The following SUMO3 variants were observed in gnomAD, a reference collection of about 807,000 sequenced individuals.
SUMO3 encodes the protein small ubiquitin-related modifier 3.
SUMO3 carries 2 observed loss-of-function variants against 11.1 expected under a neutral mutation model. That is an observed-to-expected ratio of 0.18 (90% CI 0.07 to 0.57). SUMO3 has a LOEUF of 0.57. Ranked by LOEUF, SUMO3 falls within the 20% of genes least tolerant of loss-of-function variation. The pLI is 0.92. For missense variants in SUMO3, 70 were observed against 132.8 expected (o/e 0.53, Z 2.32); for synonymous variants, 56 against 53.5 (o/e 1.05, Z -0.20).
intron 3 of SUMO3, chr21:44,808,502 G>A (rs2083192055): frequency 1.4e-6 from 2 of 1,444,568 alleles, no homozygotes; most frequent in Non-Finnish European, 1.8e-6. Context: ...GCAACAAAGC[G>A]AGACTCCGTC....
chr21:44,813,892 A>C (rs778055721), intron 2 of SUMO3, 84 bp downstream of exon 2: 83 of 1,597,024 alleles, frequency 5.2e-5, no homozygotes, highest in Non-Finnish European at 7.0e-5. Flanking sequence ...TCCAGCCCCG[A>C]GACGCTCGTG....
chr21:44,806,757 A>C lies in SUMO3; in HGVS notation c.*194T>G. On this transcript the variant is annotated 3_prime_UTR_variant, in exon 4 of 4. Transcript: ENST00000332859. ...TACCTGAACAAAGATAACAATTCTG[A>C]TTGGCCCAATTTAAGTTACAGATTC... is the stretch of plus-strand genomic sequence containing the variant. The C allele has an allele frequency of 7.5e-7, 1 of 1,342,204 alleles. No individual in the cohort carries two copies. Among genetic ancestry groups the C allele is most frequent in the Non-Finnish European group, 9.8e-7 (1 of 1,023,706 alleles). 83.1% of individuals were successfully genotyped at this position (1,342,204 alleles called of 1,614,324 possible). A position where few individuals can be genotyped will look rare whatever the true frequency, so the allele number is the denominator to read the frequency against.
At chr21:44,813,589 G>A (rs2083225908) in intron 2 of SUMO3, 5 of 276,458 alleles carry the variant, frequency 1.8e-5, no homozygotes, top group African/African-American at 1.2e-4. Flanking sequence ...CGAGGACAGG[G>A]TGACAGCGGC....
Position 44,810,197 on chromosome 21 carries a change from C to G in SUMO3, c.151-1079G>C, listed in dbSNP as rs1157797029. Among the ~76,000 whole-genome samples, 1 of 152,200 alleles carries G rather than the reference C, an allele frequency of 6.6e-6. No individual in the cohort carries two copies. The highest frequency in any genetic ancestry group is 1.5e-5 in the Non-Finnish European group (1 of 68,040). The stretch of plus-strand genomic sequence containing the variant: ...CGGGGTTAAAACGTGCATCTCTGCT[C>G]CCTCCTGAAACCCCACTGAAATGAA... On this transcript the variant is annotated intron_variant, in intron 2 of 3. Transcript: ENST00000332859. The surrounding 1 kb of genome is among the most constrained non-coding windows in gnomAD (Gnocchi z 4.1).
chr21:44,817,157 C>A (rs1181105626), intron 1 of SUMO3, among the ~76,000 whole-genome samples: 1 of 107,856 alleles, frequency 9.3e-6, no homozygotes, highest in Admixed American at 1.0e-4. Context: ...TGGGTACACA[C>A]CATGGGGGGC....
At chr21:44,808,212 T>C (rs1419687601) in intron 3 of SUMO3, 1 of 197,808 alleles carries the variant, frequency 5.1e-6, no homozygotes, top group Non-Finnish European at 1.0e-5. Context: ...GAACCAAGTT[T>C]AAAAAAAAAC....
Position 44,807,068 on chromosome 21 carries a change from CGA to C in SUMO3, c.223-30_223-29del. ...GTCATGGTTGTCACAACAGGCACAG[CGA>C]GAGAGAGGGGAGCCTGTTAGTTTTC... On this transcript the variant is annotated intron_variant, in intron 3 of 3. Coordinates refer to ENST00000332859, the MANE Select transcript of SUMO3 (RefSeq NM_006936.3). The surrounding 1 kb of genome is among the most constrained non-coding windows in gnomAD (Gnocchi z 4.3). The C allele has an allele frequency of 6.2e-7, 1 of 1,610,622 alleles. No homozygotes were observed. The highest frequency in any genetic ancestry group is 8.5e-7 in the Non-Finnish European group (1 of 1,178,104).
chr21:44,817,095 A>C (rs1442980939), intron 1 of SUMO3, among the ~76,000 whole-genome samples: 1 of 92,346 alleles, frequency 1.1e-5, no homozygotes, highest in Admixed American at 1.2e-4. Flanking sequence ...CACACCAGGG[A>C]CGCGATGATG....
Position 44,806,603 on chromosome 21 carries a change from G to A in SUMO3, c.*348C>T, listed in dbSNP as rs2083178484. The stretch of plus-strand genomic sequence containing the variant: ...AGCAGGGGAGAGGCAACCAACTCAG[G>A]AGTCAGATCCCTGGCCAGACTAAAA... On this transcript the variant is annotated 3_prime_UTR_variant, in exon 4 of 4. Coordinates refer to ENST00000332859, the MANE Select transcript of SUMO3 (RefSeq NM_006936.3). 1 of 304,786 alleles carries A rather than the reference G, an allele frequency of 3.3e-6. No homozygotes were observed. The highest frequency in any genetic ancestry group is 6.2e-6 in the Non-Finnish European group (1 of 161,346). The allele number at this position is 304,786 out of a possible 1,614,324, so 18.9% of individuals were successfully genotyped here. A position where few individuals can be genotyped will look rare whatever the true frequency, so the allele number is the denominator to read the frequency against.
rs2083210369 is a variant in SUMO3 at position 44,811,158 on chromosome 21, A to AC, written c.151-2041_151-2040insG. On this transcript the variant is annotated intron_variant, in intron 2 of 3. Transcript: ENST00000332859. This position sits in a 1 kb window ranked among gnomAD's most constrained non-coding sequence, Gnocchi z 5.0. Reference sequence around the variant, plus strand: ...GGCACACACCCACACATACACACACAGGCACACACCCACACATACACACAC... The same window carrying AC: ...GGCACACACCCACACATACACACACACGGCACACACCCACACATACACACAC... Among the ~76,000 whole-genome samples the AC allele has an allele frequency of 6.7e-6, 1 of 149,322 alleles. No homozygotes were observed. The highest frequency in any genetic ancestry group is 1.5e-5 in the Non-Finnish European group (1 of 66,320).
rs2083195409 is a variant in SUMO3 at position 44,809,113 on chromosome 21, C to T, written c.156G>A (p.Leu52=). ...ACCTGAATCTGATCTGCCTCATTGA[C>T]AAGCCCTGGAAAGGAAAAGCAGTGG... ...LMKAYCERQG[L]SMRQIRFRFD... is the part of the protein sequence containing the mutation. Residue 52 remains leucine (L), a synonymous_variant, in exon 3 of 4, where the codon TTG becomes TTA. Coordinates refer to ENST00000332859, the MANE Select transcript of SUMO3 (RefSeq NM_006936.3). The T allele has an allele frequency of 1.9e-6, 3 of 1,613,870 alleles. No individual in the cohort carries two copies. Among genetic ancestry groups the T allele is most frequent in the Non-Finnish European group, 2.5e-6 (3 of 1,179,962 alleles).
In SUMO3 at chr21:44,810,050, T is replaced by G. The variant is rs1459270968; in HGVS notation, c.151-932A>C. On this transcript the variant is annotated intron_variant, in intron 2 of 3. Coordinates refer to ENST00000332859, the MANE Select transcript of SUMO3 (RefSeq NM_006936.3). The surrounding 1 kb of genome is among the most constrained non-coding windows in gnomAD (Gnocchi z 4.1). ...GCAGTTACCACCATGACTTTGGCCT[T>G]GAGGAGGGCAGCAGGAAGGAGAGCA... Among the ~76,000 whole-genome samples, 1 of 152,152 alleles carries G rather than the reference T, an allele frequency of 6.6e-6. No homozygotes were observed. The highest frequency in any genetic ancestry group is 1.5e-5 in the Non-Finnish European group (1 of 68,024).
At chr21:44,808,871 T>C (rs2146420237) in intron 3 of SUMO3, 176 bp downstream of exon 3, 1 of 711,910 alleles carries the variant, frequency 1.4e-6, no homozygotes, top group South Asian at 1.8e-5. Flanking sequence ...GCAAAGCAGT[T>C]TTCTCATTTG....
chr21:44,815,388 C>A (rs1446689825), intron 1 of SUMO3, among the ~76,000 whole-genome samples: 1 of 152,100 alleles, frequency 6.6e-6, no homozygotes, highest in African/African-American at 2.4e-5. Flanking sequence ...CCTGAAGGTG[C>A]GTGTCCTGGG....
rs1313117019 is a variant in SUMO3, at chr21:44,811,141, C to T, written c.151-2023G>A. Among the ~76,000 whole-genome samples, 1 of 150,722 alleles carries T rather than the reference C, an allele frequency of 6.6e-6. No individual in the cohort carries two copies. The highest frequency in any genetic ancestry group is 1.5e-5 in the Non-Finnish European group (1 of 67,502). Reference sequence around the variant, plus strand: ...ACCCACATATACACACAGGCACACACCCACACATACACACACAGGCACACA... The same window carrying T: ...ACCCACATATACACACAGGCACACATCCACACATACACACACAGGCACACA... On this transcript the variant is annotated intron_variant, in intron 2 of 3. Coordinates refer to ENST00000332859, the MANE Select transcript of SUMO3 (RefSeq NM_006936.3). The surrounding 1 kb of genome is among the most constrained non-coding windows in gnomAD (Gnocchi z 5.0).
chr21:44,812,117 T>C (rs1383605457), intron 2 of SUMO3, among the ~76,000 whole-genome samples: 1 of 140,014 alleles, frequency 7.1e-6, no homozygotes, highest in African/African-American at 2.7e-5. Context: ...GGAGCAGTGA[T>C]ATGACCTCAG....
rs531209061 is a variant in SUMO3 at position 44,818,059 on chromosome 21, C to T, written c.-91G>A. Reference sequence around the variant, plus strand: ...CGGCCCCGCCGCTCTCCCGCCGCAACTGTGCGCGGGGCCGCGCTTTATCCC... The same window carrying T: ...CGGCCCCGCCGCTCTCCCGCCGCAATTGTGCGCGGGGCCGCGCTTTATCCC... On this transcript the variant is annotated 5_prime_UTR_variant, in exon 1 of 4. Coordinates refer to ENST00000332859, the MANE Select transcript of SUMO3 (RefSeq NM_006936.3). 202 of 1,046,140 alleles carry T rather than the reference C, an allele frequency of 1.9e-4. 1 individual carries two copies. The East Asian group carries it at 5.1e-3, about 26-fold the overall frequency. 64.8% of individuals were successfully genotyped at this position (1,046,140 alleles called of 1,614,324 possible).
chr21:44,812,610 G>A (rs2083218797), intron 2 of SUMO3, among the ~76,000 whole-genome samples: 1 of 152,168 alleles, frequency 6.6e-6, no homozygotes, highest in African/African-American at 2.4e-5. Flanking sequence ...AAGGGAGGAG[G>A]ACTAATCCAG....
intron 1 of SUMO3, among the ~76,000 whole-genome samples, chr21:44,815,534 G>C (rs778994356): frequency 2.9e-4 from 44 of 152,212 alleles, no homozygotes; most frequent in Non-Finnish European, 5.0e-4. Flanking sequence ...CTCCAGCACA[G>C]AGACAACTGG....
Sources: gnomAD v4.1 joint callset for allele counts (sites outside exome capture counted in the v4.1 genomes callset) on GRCh38, gnomAD v4.1.1 for gene constraint, Gnocchi (gnomAD v3.1) non-coding constraint, MANE v1.5 for transcripts, NCBI Gene and HGNC (gene_info 2026-07-23, HGNC 2026-07-21) for gene names.